Variants in CRY2 observed in about 807,000 individuals in gnomAD.
The protein encoded by CRY2 is cryptochrome circadian regulator 2, also known as cryptochrome-2.
Under a neutral mutation model 69.5 loss-of-function variants are expected in CRY2, and 31 were observed. That is an observed-to-expected ratio of 0.45 (90% CI 0.34 to 0.60). The LOEUF is 0.60. Ranked by LOEUF, CRY2 falls within the 20% of genes least tolerant of loss-of-function variation. The pLI is 0.02. For synonymous variants in CRY2, 303 were observed against 312.2 expected (o/e 0.97, Z 0.31); for missense variants, 606 against 797.8 (o/e 0.76, Z 2.90).
chr11:45,851,737 A>T (rs1481538072), intron 1 of CRY2, among the ~76,000 whole-genome samples: 1 of 152,240 alleles, frequency 6.6e-6, no homozygotes, highest in Non-Finnish European at 1.5e-5. Flanking sequence ...AGTTTAGGTT[A>T]TCCTTTTCCA....
chr11:45,880,555 G>C (rs577143925), intron 11 of CRY2, among the ~76,000 whole-genome samples: 71 of 152,334 alleles, frequency 4.7e-4, no homozygotes, highest in Admixed American at 1.4e-3. Flanking sequence ...TCTGGCAGCA[G>C]CTGCTGTGCC....
At position 45,855,977 on chromosome 11, in the gene CRY2, C is replaced by T. The variant is rs777080865; in HGVS notation, c.216-5C>T. 2.5e-5 allele frequency: 40 copies of T among 1,611,856 alleles called. No individual in the cohort carries two copies. The highest frequency in any genetic ancestry group is 6.7e-5 in the East Asian group (3 of 44,872). On this transcript the variant is annotated splice_polypyrimidine_tract_variant and splice_region_variant and intron_variant, in intron 1 of 11. Coordinates refer to ENST00000616080, the MANE Select transcript of CRY2 (RefSeq NM_021117.5). ...TCACTAACAAGGCCTGTGTGGACTCCACAGGTTCCTACTTCAGTCTCTGGA... is the reference window on the plus strand; with the variant it reads ...TCACTAACAAGGCCTGTGTGGACTCTACAGGTTCCTACTTCAGTCTCTGGA...
intron 11 of CRY2, among the ~76,000 whole-genome samples, chr11:45,877,526 G>A (rs1288081012): frequency 1.3e-5 from 2 of 152,224 alleles, no homozygotes; most frequent in Admixed American, 1.3e-4. Context: ...GTACCCAGGA[G>A]GCCATGCTAA....
At chr11:45,867,502 T>A in intron 5 of CRY2, 110 bp from the exon 6 acceptor site, 1 of 1,422,632 alleles carries the variant, frequency 7.0e-7, no homozygotes, top group Non-Finnish European at 9.7e-7. Flanking sequence ...CATGGCTCCA[T>A]GGCTGGCTGT....
intron 11 of CRY2, among the ~76,000 whole-genome samples, chr11:45,874,177 G>C (rs941720055): frequency 4.6e-5 from 7 of 152,118 alleles, no homozygotes; most frequent in African/African-American, 1.7e-4. Context: ...CTACTCGGGA[G>C]GCTGGGGCAA....
rs773618332 is a variant in CRY2 at position 45,872,222 on chromosome 11, G to C, written c.1773G>C (p.Lys591Asn). The change falls in exon 11 of 12, where the codon AAG (lysine) becomes AAC (asparagine). Residue 591 changes from lysine (K) to asparagine (N), a missense_variant. Around this residue, in one of 5 missense-constraint regions of CRY2, gnomAD observed 173 missense variants for 213.7 expected, o/e 0.81. Transcript: ENST00000616080. The stretch of plus-strand genomic sequence containing the variant: ...TGCCAACCCCAGAGCTGCCGAGCAA[G>C]GATGCCTGAGAGTGAGTGACAGCAG... ...AELPTPELPSKDA is the reference protein window; with the variant it reads ...AELPTPELPSNDA 1.9e-5 allele frequency: 30 copies of C among 1,614,096 alleles called. No individual in the cohort carries two copies. Among genetic ancestry groups the C allele is most frequent in the Non-Finnish European group, 2.5e-5 (30 of 1,179,980 alleles).
At chr11:45,855,852 C>T in intron 1 of CRY2, 130 bp from the exon 2 acceptor site, 2 of 801,498 alleles carry the variant, frequency 2.5e-6, no homozygotes, top group Non-Finnish European at 4.3e-6. Context: ...GAACCCAGGC[C>T]TCTCCAGCCC....
At chr11:45,878,856 T>A (rs761804714) in intron 11 of CRY2, among the ~76,000 whole-genome samples, 35 of 144,134 alleles carry the variant, frequency 2.4e-4, no homozygotes, top group Admixed American at 5.8e-4. Context: ...GAGGCAGAAG[T>A]TGCAGTGAGC....
chr11:45,849,622 A>ATTT (rs71038866), intron 1 of CRY2, among the ~76,000 whole-genome samples: 3,480 of 141,102 alleles, frequency 0.025, 83 homozygotes, highest in Non-Finnish European at 0.036. Context: ...CCCCAATTCT[A>ATTT]TTTTTTTTTT....
rs1472738914 is a variant in CRY2 at position 45,882,700 on chromosome 11, G to A, written c.*1789G>A. On this transcript the variant is annotated 3_prime_UTR_variant, in exon 12 of 12. Transcript: ENST00000616080. ...CTTCCCTGTTCCCTCAGCCCCAGTC[G>A]AGAGGAAAGAGAATCGGGCCACTGC... The A allele has an allele frequency of 2.5e-5, 10 of 398,902 alleles. No homozygotes were observed. The highest frequency in any genetic ancestry group is 1.4e-4 in the East Asian group (4 of 28,082). 24.7% of individuals were successfully genotyped at this position (398,902 alleles called of 1,614,324 possible).
chr11:45,859,885 C>T (rs535728335), intron 3 of CRY2, among the ~76,000 whole-genome samples: 25 of 152,278 alleles, frequency 1.6e-4, no homozygotes, highest in Admixed American at 5.2e-4. Context: ...CAGCTGTGCA[C>T]GTGAGCCGGG....
rs1422895496 is a variant in CRY2, at chr11:45,869,326, G to C, written c.883-180G>C. Among the ~76,000 whole-genome samples the C allele has an allele frequency of 2.0e-5, 3 of 152,220 alleles. No individual in the cohort carries two copies. The East Asian group carries it at 5.8e-4, about 29-fold the overall frequency. Reference sequence around the variant, plus strand: ...TCAGAGCAGTGGCACAGTGCAGGCAGGGCCTGGGTGTTTCACATGCAGGCA... The same window carrying C: ...TCAGAGCAGTGGCACAGTGCAGGCACGGCCTGGGTGTTTCACATGCAGGCA... On this transcript the variant is annotated intron_variant, in intron 6 of 11. Coordinates refer to ENST00000616080, the MANE Select transcript of CRY2 (RefSeq NM_021117.5).
intron 2 of CRY2, 77 bp downstream of exon 2, chr11:45,856,167 T>C: frequency 2.5e-6 from 3 of 1,198,116 alleles, no homozygotes; most frequent in Non-Finnish European, 3.7e-6. Flanking sequence ...TGATATGATA[T>C]TCCGACTGAG....
chr11:45,863,903 C>T lies in CRY2; in HGVS notation c.741+1755C>T, dbSNP rs1212451772. Among the ~76,000 whole-genome samples, 4 of 152,274 alleles carry T rather than the reference C, an allele frequency of 2.6e-5. No homozygotes were observed. The East Asian group carries it at 7.7e-4, about 29-fold the overall frequency. On this transcript the variant is annotated intron_variant, in intron 5 of 11. Coordinates refer to ENST00000616080, the MANE Select transcript of CRY2 (RefSeq NM_021117.5). ...TGAAAAGCAGAGGAAGCTACATGATCTTTACCACTGGGTTACTCAATAGTA... is the reference window on the plus strand; with the variant it reads ...TGAAAAGCAGAGGAAGCTACATGATTTTTACCACTGGGTTACTCAATAGTA...
rs1333541123 is a variant in CRY2, at chr11:45,858,716, A to G, written c.325-15A>G. 6.2e-7 allele frequency: 1 copy of G among 1,610,966 alleles called. No individual in the cohort carries two copies. The highest frequency in any genetic ancestry group is 8.5e-7 in the Non-Finnish European group (1 of 1,178,312). ...CCAAACACAGTGTTGAGCATAACAGATCCTCTCCCCACAGGAATGGGGAGT... is the reference window on the plus strand; with the variant it reads ...CCAAACACAGTGTTGAGCATAACAGGTCCTCTCCCCACAGGAATGGGGAGT... On this transcript the variant is annotated splice_polypyrimidine_tract_variant and intron_variant, in intron 2 of 11. Coordinates refer to ENST00000616080, the MANE Select transcript of CRY2 (RefSeq NM_021117.5).
rs1472293605 is a variant in CRY2 at position 45,882,170 on chromosome 11, G to C, written c.*1259G>C. ...CCACCTCTTCCTTCCCACTGCCAAA[G>C]GCCTGTGTTGAGAAAGATGTCATGC... is the stretch of plus-strand genomic sequence containing the variant. On this transcript the variant is annotated 3_prime_UTR_variant, in exon 12 of 12. Coordinates refer to ENST00000616080, the MANE Select transcript of CRY2 (RefSeq NM_021117.5). 6.5e-6 allele frequency: 1 copy of C among 154,380 alleles called. No individual in the cohort carries two copies. The highest frequency in any genetic ancestry group is 2.4e-5 in the African/African-American group (1 of 41,546). The allele number at this position is 154,380 out of a possible 1,614,324, so 9.6% of individuals were successfully genotyped here.
At chr11:45,851,657 A>G (rs1263959173) in intron 1 of CRY2, among the ~76,000 whole-genome samples, 2 of 152,198 alleles carry the variant, frequency 1.3e-5, no homozygotes, top group Non-Finnish European at 2.9e-5. Flanking sequence ...TAAAATAATA[A>G]GAATTTAATA....
chr11:45,856,152 C>A, intron 2 of CRY2, 62 bp downstream of exon 2: 1 of 1,291,082 alleles, frequency 7.7e-7, no homozygotes, highest in Non-Finnish European at 1.1e-6. Flanking sequence ...TCCCCACAGC[C>A]TGAGTGATAT....
intron 10 of CRY2, among the ~76,000 whole-genome samples, 167 bp from the exon 11 acceptor site, chr11:45,871,925 C>T (rs1234563907): frequency 6.6e-6 from 1 of 152,254 alleles, no homozygotes; most frequent in Non-Finnish European, 1.5e-5. Context: ...CATTTCCAGG[C>T]AAAGTCACTG....
Sources: gnomAD v4.1 joint callset for allele counts (sites outside exome capture counted in the v4.1 genomes callset) on GRCh38, gnomAD v4.1.1 for gene constraint, gnomAD v4.1.1 regional missense constraint, MANE v1.5 for transcripts, NCBI Gene and HGNC (gene_info 2026-07-23, HGNC 2026-07-21) for gene names.